Variants in TECTA observed in about 807,000 individuals in gnomAD.
TECTA encodes tectorin alpha.
TECTA carries 128 observed loss-of-function variants against 216.8 expected under a neutral mutation model. That is an observed-to-expected ratio of 0.59 (90% CI 0.51 to 0.68). The LOEUF is 0.68. TECTA is among the 30% of genes least tolerant of loss of function. TECTA has a pLI of 0.00. For missense variants in TECTA, 2,551 were observed against 2,786.2 expected (o/e 0.92, Z 1.90); for synonymous variants, 1,089 against 1,117.1 (o/e 0.97, Z 0.50).
At chr11:121,150,321 C>A (rs190172907) in intron 12 of TECTA, among the ~76,000 whole-genome samples, 18 of 152,282 alleles carry the variant, frequency 1.2e-4, no homozygotes, top group African/African-American at 3.6e-4. Context: ...AAAGCTAAAT[C>A]CTTCCTTCAT....
intron 18 of TECTA, among the ~76,000 whole-genome samples, chr11:121,167,520 G>A (rs186128863): frequency 6.6e-6 from 1 of 152,316 alleles, no homozygotes; most frequent in East Asian, 1.9e-4. Context: ...CAGTGTATAG[G>A]TTAGCAAAGT....
chr11:121,102,998 C>T (rs539772308), intron 2 of TECTA, among the ~76,000 whole-genome samples: 7 of 152,204 alleles, frequency 4.6e-5, no homozygotes, highest in South Asian at 2.1e-4. Flanking sequence ...TTTAAAATTA[C>T]GCAAAATTAT....
intron 13 of TECTA, among the ~76,000 whole-genome samples, chr11:121,155,484 T>A (rs1301001999): frequency 1.3e-5 from 2 of 152,210 alleles, no homozygotes; most frequent in Admixed American, 6.5e-5. Context: ...GTTCCAGGAA[T>A]GACTTCACTT....
intron 7 of TECTA, among the ~76,000 whole-genome samples, chr11:121,124,587 G>T (rs990540081): frequency 1.3e-5 from 2 of 152,236 alleles, no homozygotes; most frequent in Non-Finnish European, 2.9e-5. Flanking sequence ...CAGTTAAAGA[G>T]TATGCTGTAA....
intron 20 of TECTA, among the ~76,000 whole-genome samples, chr11:121,173,193 A>G (rs1226680542): frequency 6.6e-6 from 1 of 151,764 alleles, no homozygotes; most frequent in Non-Finnish European, 1.5e-5. Context: ...CTTTAGTTTA[A>G]TTAGATCCCA....
At chr11:121,115,637 TTTG>T (rs907871333) in intron 6 of TECTA, among the ~76,000 whole-genome samples, 3 of 152,204 alleles carry the variant, frequency 2.0e-5, no homozygotes, top group South Asian at 2.1e-4. Flanking sequence ...TCAGATTCAA[TTTG>T]TTGTTGTTGT....
chr11:121,137,778 G>T lies in TECTA; in HGVS notation c.3299G>T (p.Cys1100Phe). Residue 1100 changes from cysteine (C) to phenylalanine (F), a missense_variant, in exon 11 of 24, where the codon TGC (cysteine) becomes TTC (phenylalanine). Physicochemically the swap from Cys to Phe is radical, Grantham distance 205. Coordinates refer to ENST00000392793, the MANE Select transcript of TECTA (RefSeq NM_005422.4). ...TGCCAAGCCCGCACCGACGCCTCCTGCATCGTCTCAGGCTACGGCCACTAC... is the reference window on the plus strand; with the variant it reads ...TGCCAAGCCCGCACCGACGCCTCCTTCATCGTCTCAGGCTACGGCCACTAC... ...YYCQARTDAS[C>F]IVSGYGHYLT... The T allele has an allele frequency of 6.2e-7, 1 of 1,614,176 alleles. No individual in the cohort carries two copies. Among genetic ancestry groups the T allele is most frequent in the Non-Finnish European group, 8.5e-7 (1 of 1,180,018 alleles).
chr11:121,108,820 C>A lies in TECTA; in HGVS notation c.199-391C>A, dbSNP rs111285249. Among the ~76,000 whole-genome samples, 271 of 82,764 alleles carry A rather than the reference C, an allele frequency of 3.3e-3. 3 individuals are homozygous for A. Among genetic ancestry groups the A allele is most frequent in the African/African-American group, 0.012 (197 of 17,124 alleles). The allele number at this position is 82,764 out of a possible 152,430, so 54.3% of individuals were successfully genotyped here. A position where few individuals can be genotyped will look rare whatever the true frequency, so the allele number is the denominator to read the frequency against. Reference sequence around the variant, plus strand: ...CTCCTCACCTCAGTACACAAACACACACTCACGCACCTCACCCCAGTACAC... The same window carrying A: ...CTCCTCACCTCAGTACACAAACACAAACTCACGCACCTCACCCCAGTACAC... On this transcript the variant is annotated intron_variant, in intron 3 of 23. Coordinates refer to ENST00000392793, the MANE Select transcript of TECTA (RefSeq NM_005422.4).
Position 121,165,396 on chromosome 11 carries a change from G to A in TECTA, c.5383+13G>A. The A allele has an allele frequency of 6.4e-7, 1 of 1,564,562 alleles. No homozygotes were observed. The highest frequency in any genetic ancestry group is 1.4e-5 in the African/African-American group (1 of 73,924). ...CCCTATGGAAATAGTGAGTGACATG[G>A]GCCACCTCCCCACCCAGAAAGGCCC... On this transcript the variant is annotated intron_variant, in intron 17 of 23. Transcript: ENST00000392793.
chr11:121,137,294 G>T (rs996033038), intron 10 of TECTA, 127 bp from the exon 11 acceptor site: 6 of 1,235,428 alleles, frequency 4.9e-6, no homozygotes, highest in Non-Finnish European at 7.1e-6. Flanking sequence ...ATACACAAAT[G>T]CATGCATGCA....
chr11:121,190,666 T>A, intron 23 of TECTA, 40 bp from the exon 24 acceptor site: 1 of 1,476,152 alleles, frequency 6.8e-7, no homozygotes, highest in Non-Finnish European at 9.5e-7. Context: ...ACAGGTATTT[T>A]TCCCCCCATA....
intron 10 of TECTA, among the ~76,000 whole-genome samples, chr11:121,133,490 A>G (rs1946695310): frequency 6.6e-6 from 1 of 152,224 alleles, no homozygotes; most frequent in Non-Finnish European, 1.5e-5. Flanking sequence ...GACCTAATTT[A>G]GAATCACACG....
intron 10 of TECTA, among the ~76,000 whole-genome samples, chr11:121,136,748 C>G (rs756704235): frequency 9.2e-5 from 14 of 152,152 alleles, no homozygotes; most frequent in Non-Finnish European, 1.5e-4. Flanking sequence ...ACAATGCTCC[C>G]TCTCCAGAGT....
chr11:121,183,035 G>A (rs777457572), intron 20 of TECTA, among the ~76,000 whole-genome samples: 18 of 152,174 alleles, frequency 1.2e-4, no homozygotes, highest in Admixed American at 3.3e-4. Context: ...GAGCTTGTGC[G>A]TCAGCCCCTT....
At position 121,137,909 on chromosome 11, in the gene TECTA, A is replaced by G. The variant is rs1194040251; in HGVS notation, c.3430A>G (p.Thr1144Ala). 1 of 1,602,716 alleles carries G rather than the reference A, an allele frequency of 6.2e-7. No individual in the cohort carries two copies. Among genetic ancestry groups the G allele is most frequent in the South Asian group, 1.1e-5 (1 of 90,680 alleles). Residue 1144 changes from threonine (T) to alanine (A), a missense_variant, in exon 11 of 24, where the codon ACA (threonine) becomes GCA (alanine). Physicochemically the swap from Thr to Ala is moderately conservative, Grantham distance 58. This residue lies in a region of TECTA where 2,375 missense variants were observed against 2,563.9 expected (regional missense o/e 0.93). Transcript: ENST00000392793. ...SSDSFPKFVV[T>A]AKNEDRDPSL... ...AGACTCTTTCCCCAAGTTTGTTGTC[A>G]CAGCCAAGAATGAGGACCGGGACCC...
At chr11:121,131,213 CAAAAAAAAAAA>C (rs10683692) in intron 10 of TECTA, among the ~76,000 whole-genome samples, 1 of 70,820 alleles carries the variant, frequency 1.4e-5, no homozygotes, top group East Asian at 4.2e-4. Flanking sequence ...GACTCCATCT[CAAAAAAAAAAA>C]AAAAAAAAAA....
intron 10 of TECTA, among the ~76,000 whole-genome samples, chr11:121,134,266 G>A (rs1672140280): frequency 1.3e-5 from 2 of 151,688 alleles, no homozygotes; most frequent in African/African-American, 2.4e-5. Context: ...CCCTGTTGCT[G>A]TTGGGGCATC....
rs767018367 is a variant in TECTA, at chr11:121,145,951, T to C, written c.3940T>C (p.Cys1314Arg). 26 of 1,614,258 alleles carry C rather than the reference T, an allele frequency of 1.6e-5. No individual in the cohort carries two copies. Among genetic ancestry groups the C allele is most frequent in the Non-Finnish European group, 2.0e-5 (24 of 1,180,046 alleles). The change falls in exon 12 of 24, where the codon TGT (cysteine) becomes CGT (arginine). Residue 1314 changes from cysteine to arginine, a missense_variant. By Grantham distance (180) the Cys-to-Arg change is radical. Coordinates refer to ENST00000392793, the MANE Select transcript of TECTA (RefSeq NM_005422.4). ...IPNQNAAFSK[C>R]HSKVNPTFFY... is the part of the protein sequence containing the mutation. ...CAACCAGAACGCTGCCTTCTCCAAG[T>C]GTCACAGCAAAGTTAACCCCACCTT...
chr11:121,142,543 C>T (rs886156766), intron 11 of TECTA, among the ~76,000 whole-genome samples: 32 of 152,298 alleles, frequency 2.1e-4, no homozygotes, highest in Non-Finnish European at 3.5e-4. Flanking sequence ...ATTATATTGC[C>T]TCCTCAAGGC....
Sources: gnomAD v4.1 joint callset for allele counts (sites outside exome capture counted in the v4.1 genomes callset) on GRCh38, gnomAD v4.1.1 for gene constraint, gnomAD v4.1.1 regional missense constraint, MANE v1.5 for transcripts, NCBI Gene and HGNC (gene_info 2026-07-23, HGNC 2026-07-21) for gene names.